Variants in PHEX observed in about 807,000 individuals in gnomAD.
PHEX encodes phosphate regulating endopeptidase X-linked.
A neutral mutation model predicts 68.0 loss-of-function variants in PHEX; 16 were observed. The ratio of observed to expected loss-of-function variants is 0.24; its 90% CI spans 0.16 to 0.36. PHEX has a LOEUF of 0.36. PHEX is among the 10% of genes least tolerant of loss of function. The pLI is 1.00. For missense variants in PHEX, 480 were observed against 575.5 expected, an observed-to-expected ratio of 0.83 and a Z score of 1.70; for synonymous variants, 208 against 205.1, an observed-to-expected ratio of 1.01 and a Z score of -0.12.
intron 10 of PHEX, among the ~76,000 whole-genome samples, chrX:22,111,782 A>T (rs1930983011): frequency 1.8e-5 from 2 of 112,019 alleles, no homozygotes; most frequent in African/African-American, 6.5e-5. Context: ...TTGATGGGTT[A>T]TATAAAGATA....
chrX:22,132,948 G>A (rs5951705), intron 11 of PHEX, among the ~76,000 whole-genome samples: 2,907 of 110,085 alleles, frequency 0.026, 108 homozygotes, highest in African/African-American at 0.092. Context: ...GTACAGTGGT[G>A]CAGTCATGGC....
intron 20 of PHEX, among the ~76,000 whole-genome samples, chrX:22,235,161 C>T (rs1205683090): frequency 1.8e-5 from 2 of 111,716 alleles, no homozygotes; most frequent in South Asian, 7.5e-4. Context: ...GTGGCCTGCA[C>T]CCACTGTCCA....
At position 22,249,371 on chromosome X, in the gene PHEX, T is replaced by G. The variant is rs1936488905; in HGVS notation, c.*1418T>G. The stretch of plus-strand genomic sequence containing the variant: ...GGTTAAGTGGGCCAATAGGAAAATC[T>G]CAAAAGCAAAATGACAAATTCAGAT... On this transcript the variant is annotated 3_prime_UTR_variant, in exon 22 of 22. Coordinates refer to ENST00000379374, the MANE Select transcript of PHEX (RefSeq NM_000444.6). 1.0e-5 allele frequency: 1 copy of G among 98,391 alleles called. No individual in the cohort carries two copies. The highest frequency in any genetic ancestry group is 2.0e-5 in the Non-Finnish European group (1 of 49,883). The allele number at this position is 98,391 out of a possible 1,213,427, so 8.1% of individuals were successfully genotyped here. A position where few individuals can be genotyped will look rare whatever the true frequency, so the allele number is the denominator to read the frequency against.
chrX:22,051,277 T>A (rs1927820944), intron 3 of PHEX, among the ~76,000 whole-genome samples: 1 of 112,498 alleles, frequency 8.9e-6, no homozygotes, highest in Non-Finnish European at 1.9e-5. Flanking sequence ...TTGCCTGTAA[T>A]CCCACCACTT....
At chrX:22,242,949 C>T in intron 20 of PHEX, among the ~76,000 whole-genome samples, 1 of 110,207 alleles carries the variant, frequency 9.1e-6, no homozygotes, top group Non-Finnish European at 1.9e-5. Context: ...TCATATGGAA[C>T]CAAAAAGGAG....
chrX:22,219,984 A>G (rs1164737605), intron 17 of PHEX, among the ~76,000 whole-genome samples: 1 of 112,188 alleles, frequency 8.9e-6, no homozygotes, highest in Non-Finnish European at 1.9e-5. Flanking sequence ...TTGTATCCCG[A>G]TGACATTTAA....
intron 20 of PHEX, among the ~76,000 whole-genome samples, chrX:22,238,370 A>G (rs1267661458): frequency 2.7e-5 from 3 of 111,600 alleles, no homozygotes; most frequent in Admixed American, 9.5e-5. Flanking sequence ...GGAAGCCATG[A>G]GAGACTTTAC....
intron 16 of PHEX, among the ~76,000 whole-genome samples, chrX:22,216,503 ATTT>A (rs1935096456): frequency 1.7e-5 from 1 of 60,447 alleles, no homozygotes; most frequent in African/African-American, 1.0e-4. Context: ...TTATTTATTT[ATTT>A]ATTTATTTAT....
Position 22,230,043 on chromosome X carries a change from A to G in PHEX, c.2070+2432A>G, listed in dbSNP as rs752190146. Reference sequence around the variant, plus strand: ...GTTTTTGGCAGGTTTGTCAAAGATCAGATGGTTGTAGATGTGTGGTGTTAT... The same window carrying G: ...GTTTTTGGCAGGTTTGTCAAAGATCGGATGGTTGTAGATGTGTGGTGTTAT... On this transcript the variant is annotated intron_variant, in intron 20 of 21. Coordinates refer to ENST00000379374, the MANE Select transcript of PHEX (RefSeq NM_000444.6). Among the ~76,000 whole-genome samples the G allele has an allele frequency of 8.1e-5, 9 of 110,430 alleles. No individual in the cohort carries two copies. The South Asian group carries it at 2.3e-3, about 29-fold the overall frequency.
rs191469222 is a variant in PHEX at position 22,226,529 on chromosome X, C to T, written c.1965+21C>T. On this transcript the variant is annotated intron_variant, in intron 19 of 21. Coordinates refer to ENST00000379374, the MANE Select transcript of PHEX (RefSeq NM_000444.6). Reference sequence around the variant, plus strand: ...TTAGGGTATGCGCTGCTACATTTACCGTGGTTCTAAAAATCAAGCCATAAA... The same window carrying T: ...TTAGGGTATGCGCTGCTACATTTACTGTGGTTCTAAAAATCAAGCCATAAA... 742 of 1,162,489 alleles carry T rather than the reference C, an allele frequency of 6.4e-4. 3 individuals carry two copies. In the African/African-American group the frequency reaches 0.01, roughly 16 times the overall value.
chrX:22,135,220 A>G, intron 12 of PHEX, among the ~76,000 whole-genome samples: 1 of 112,268 alleles, frequency 8.9e-6, no homozygotes, highest in Admixed American at 9.4e-5. Context: ...CCTCAGTCAC[A>G]TAAGGCACAG....
rs760814466 is a variant in PHEX, at chrX:22,236,865, T to C, written c.2071-8468T>C. Among the ~76,000 whole-genome samples, 3 of 112,834 alleles carry C rather than the reference T, an allele frequency of 2.7e-5. No individual in the cohort carries two copies. The South Asian group carries it at 1.1e-3, about 41-fold the overall frequency. ...TTGTAGATAAAATAAACTAATTGAT[T>C]GATAGTGAAGTTACTTATAATTCTG... On this transcript the variant is annotated intron_variant, in intron 20 of 21. Coordinates refer to ENST00000379374, the MANE Select transcript of PHEX (RefSeq NM_000444.6).
At chrX:22,193,099 C>A (rs1165976713) in intron 15 of PHEX, among the ~76,000 whole-genome samples, 1 of 110,986 alleles carries the variant, frequency 9.0e-6, no homozygotes, top group Non-Finnish European at 1.9e-5. Context: ...GCCCTAAATG[C>A]CAACTTGAGA....
chrX:22,120,861 T>A (rs1371458738), intron 11 of PHEX, among the ~76,000 whole-genome samples: 1 of 112,209 alleles, frequency 8.9e-6, no homozygotes, highest in Admixed American at 9.5e-5. Context: ...TCAAAGAAAT[T>A]TTTTTTCTAT....
chrX:22,189,604 A>C (rs1440957539), intron 14 of PHEX, among the ~76,000 whole-genome samples: 1 of 111,915 alleles, frequency 8.9e-6, no homozygotes, highest in Non-Finnish European at 1.9e-5. Flanking sequence ...GTACTTGATT[A>C]CTATTGTTAT....
intron 12 of PHEX, among the ~76,000 whole-genome samples, chrX:22,157,574 G>A (rs1174707028): frequency 8.9e-6 from 1 of 112,598 alleles, no homozygotes. Context: ...AAAGACACCA[G>A]GGAAATGTTT....
chrX:22,183,718 T>A (rs1222961489), intron 14 of PHEX, among the ~76,000 whole-genome samples: 14 of 107,438 alleles, frequency 1.3e-4, no homozygotes, highest in East Asian at 2.9e-4. Flanking sequence ...AACTCTTTTT[T>A]AAAAAAAAAA....
chrX:22,118,946 C>G (rs1327171809), intron 11 of PHEX, among the ~76,000 whole-genome samples: 1 of 112,492 alleles, frequency 8.9e-6, no homozygotes, highest in South Asian at 3.7e-4. Context: ...TCATATAGTA[C>G]AATCCCTTGC....
chrX:22,204,750 A>G (rs1934658371), intron 15 of PHEX, among the ~76,000 whole-genome samples: 1 of 112,135 alleles, frequency 8.9e-6, no homozygotes, highest in Admixed American at 9.5e-5. Context: ...AGTCGAAGCT[A>G]TTGCACAGGA....
Sources: gnomAD v4.1 joint callset for allele counts (sites outside exome capture counted in the v4.1 genomes callset) on GRCh38, gnomAD v4.1.1 for gene constraint, MANE v1.5 for transcripts, NCBI Gene and HGNC (gene_info 2026-07-23, HGNC 2026-07-21) for gene names.